The following AFDN variants were observed in gnomAD, a reference collection of about 807,000 sequenced individuals.
AFDN encodes the protein afadin.
A neutral mutation model predicts 216.6 loss-of-function variants in AFDN; 68 were observed. The observed-to-expected ratio is 0.31, with a 90% CI of 0.26 to 0.38. AFDN has a LOEUF of 0.38. AFDN is among the 10% of genes least tolerant of loss of function. AFDN has a pLI of 1.00. For synonymous variants in AFDN, 868 were observed against 853.7 expected (o/e 1.02, Z -0.29); for missense variants, 2,136 against 2,342.0 (o/e 0.91, Z 1.82).
rs9355146 is a variant in AFDN, at chr6:167,962,003, G to T, written c.4834-430G>T. 0.3 allele frequency among the ~76,000 whole-genome samples: 45,243 copies of T among 152,020 alleles called. 7,500 individuals are homozygous for T. The highest frequency in any genetic ancestry group is 0.6 in the East Asian group (3,085 of 5,152). Reference sequence around the variant, plus strand: ...GAGTGGGGGCCTCCCTCTTCTACAAGATATTCGTAGTGGAAATTAAAAAGG... The same window carrying T: ...GAGTGGGGGCCTCCCTCTTCTACAATATATTCGTAGTGGAAATTAAAAAGG... On this transcript the variant is annotated intron_variant, in intron 30 of 33. Transcript: ENST00000683244. This position sits in a 1 kb window ranked among gnomAD's most constrained non-coding sequence, Gnocchi z 5.2.
At chr6:167,900,289 T>G (rs1788778024) in intron 11 of AFDN, among the ~76,000 whole-genome samples, 1 of 152,220 alleles carries the variant, frequency 6.6e-6, no homozygotes, top group Non-Finnish European at 1.5e-5. Context: ...GATTTCATAG[T>G]GTGTCTTCAA....
intron 29 of AFDN, among the ~76,000 whole-genome samples, chr6:167,950,835 G>A (rs1305407340): frequency 6.6e-6 from 1 of 150,654 alleles, no homozygotes; most frequent in Admixed American, 6.6e-5. Flanking sequence ...CAGAGAGAAA[G>A]TACAGCTTTG....
Position 167,901,160 on chromosome 6 carries a change from A to G in AFDN, c.1581-1157A>G, listed in dbSNP as rs569517976. 2.0e-5 allele frequency among the ~76,000 whole-genome samples: 3 copies of G among 152,336 alleles called. No individual in the cohort carries two copies. The East Asian group carries it at 5.8e-4, about 29-fold the overall frequency. ...GTGTAAATAAAAGTTTCCCATTACC[A>G]TGCTGCTTTGAAATTAGACCATATA... On this transcript the variant is annotated intron_variant, in intron 11 of 33. Transcript: ENST00000683244.
chr6:167,871,333 A>G (rs1210742275), intron 3 of AFDN, among the ~76,000 whole-genome samples: 1 of 152,130 alleles, frequency 6.6e-6, no homozygotes, highest in South Asian at 2.1e-4. Flanking sequence ...TACATGTTTT[A>G]TTTCATTTCT....
intron 23 of AFDN, among the ~76,000 whole-genome samples, chr6:167,933,886 G>A (rs1409096207): frequency 6.6e-6 from 1 of 152,050 alleles, no homozygotes; most frequent in East Asian, 1.9e-4. Flanking sequence ...TTGGCTGTGG[G>A]GTAGCCCAGA....
intron 22 of AFDN, 23 bp from the exon 23 acceptor site, chr6:167,924,982 A>G (rs1792321256): frequency 1.9e-6 from 3 of 1,552,818 alleles, no homozygotes; most frequent in Admixed American, 1.7e-5. Flanking sequence ...GTCATAAAAT[A>G]AACCTTTGTT....
intron 30 of AFDN, among the ~76,000 whole-genome samples, chr6:167,961,497 G>A (rs1797032514): frequency 6.6e-6 from 1 of 152,244 alleles, no homozygotes; most frequent in Non-Finnish European, 1.5e-5. Flanking sequence ...AGTGCATAGA[G>A]ATGTGAGCAG....
chr6:167,907,255 G>C lies in AFDN; in HGVS notation c.1735G>C (p.Glu579Gln). Residue 579 changes from glutamate (E) to glutamine (Q), a missense_variant, in exon 13 of 34, where the codon GAA becomes CAA. Around this residue, in one of 8 missense-constraint regions of AFDN, gnomAD observed 817 missense variants for 965.7 expected, o/e 0.85. Transcript: ENST00000683244. ...RGMVKPMIRVEQQPDYRRQES... is the reference protein window; with the variant it reads ...RGMVKPMIRVQQQPDYRRQES... Reference sequence around the variant, plus strand: ...AATGGTGAAGCCGATGATCAGAGTAGAACAGCAGCCAGATTATCGCAGGCA... The same window carrying C: ...AATGGTGAAGCCGATGATCAGAGTACAACAGCAGCCAGATTATCGCAGGCA... 1 of 1,614,148 alleles carries C rather than the reference G, an allele frequency of 6.2e-7. No homozygotes were observed. Among genetic ancestry groups the C allele is most frequent in the Non-Finnish European group, 8.5e-7 (1 of 1,179,988 alleles).
intron 19 of AFDN, among the ~76,000 whole-genome samples, chr6:167,916,264 G>A (rs1435956034): frequency 6.6e-6 from 1 of 152,154 alleles, no homozygotes; most frequent in Non-Finnish European, 1.5e-5. Flanking sequence ...AAGGACAGCC[G>A]ACATTGGACC....
At chr6:167,895,512 T>G (rs1401353467) in intron 9 of AFDN, among the ~76,000 whole-genome samples, 1 of 152,102 alleles carries the variant, frequency 6.6e-6, no homozygotes, top group African/African-American at 2.4e-5. Flanking sequence ...CATTAGTGTC[T>G]CTCAGGTACT....
chr6:167,833,480 A>G (rs148737208), intron 1 of AFDN, among the ~76,000 whole-genome samples: 5,564 of 152,294 alleles, frequency 0.037, 145 homozygotes, highest in African/African-American at 0.062. Flanking sequence ...GAGTTCATAC[A>G]TGTTCTATTA....
rs948779727 is a variant in AFDN, at chr6:167,868,246, A to G, written c.302-2140A>G. Among the ~76,000 whole-genome samples the G allele has an allele frequency of 4.6e-5, 7 of 152,290 alleles. No individual in the cohort carries two copies. The South Asian group carries it at 1.5e-3, about 32-fold the overall frequency. On this transcript the variant is annotated intron_variant, in intron 2 of 33. Coordinates refer to ENST00000683244, the MANE Select transcript of AFDN (RefSeq NM_001386888.1). ...TGTAAAAGGCCCCTTAGAAAAACACATTTAAAACTGGGATCAAAGCTGAAT... is the reference window on the plus strand; with the variant it reads ...TGTAAAAGGCCCCTTAGAAAAACACGTTTAAAACTGGGATCAAAGCTGAAT...
intron 1 of AFDN, among the ~76,000 whole-genome samples, chr6:167,844,398 A>G (rs1200598242): frequency 6.6e-6 from 1 of 152,218 alleles, no homozygotes; most frequent in African/African-American, 2.4e-5. Flanking sequence ...AACATGCTTT[A>G]TTAAAGAAAT....
At chr6:167,908,939 T>G (rs1436687983) in intron 13 of AFDN, among the ~76,000 whole-genome samples, 6 of 152,160 alleles carry the variant, frequency 3.9e-5, no homozygotes, top group Admixed American at 3.9e-4. Context: ...CTAATATTAG[T>G]GAAGGAAAAA....
chr6:167,917,467 A>C (rs1304776351), intron 20 of AFDN, among the ~76,000 whole-genome samples: 1 of 152,198 alleles, frequency 6.6e-6, no homozygotes, highest in Admixed American at 6.5e-5. Context: ...GAAGGACTAG[A>C]GGAGAGGAGG....
chr6:167,886,953 T>C (rs574131914), intron 6 of AFDN, among the ~76,000 whole-genome samples: 2 of 149,796 alleles, frequency 1.3e-5, no homozygotes, highest in Admixed American at 1.3e-4. Flanking sequence ...AGGCGGAGGT[T>C]GCAGTGAGCT....
At chr6:167,913,521 C>T in intron 16 of AFDN, 98 bp downstream of exon 16, 7 of 1,106,248 alleles carry the variant, frequency 6.3e-6, no homozygotes, top group Non-Finnish European at 9.2e-6. Context: ...CTGGACTGAA[C>T]AGCTCATAAC....
intron 27 of AFDN, among the ~76,000 whole-genome samples, chr6:167,947,429 T>TCC (rs1437368943): frequency 6.6e-6 from 1 of 152,198 alleles, no homozygotes; most frequent in East Asian, 1.9e-4. Flanking sequence ...TCTGCCCGCC[T>TCC]TGGCCTCCCA....
intron 25 of AFDN, 23 bp from the exon 26 acceptor site, chr6:167,943,918 C>G (rs757374932): frequency 1.2e-6 from 2 of 1,601,896 alleles, no homozygotes; most frequent in Admixed American, 1.7e-5. Flanking sequence ...GTCTTTCTTA[C>G]ATGTGTAATC....
Sources: gnomAD v4.1 joint callset for allele counts (sites outside exome capture counted in the v4.1 genomes callset) on GRCh38, gnomAD v4.1.1 for gene constraint, gnomAD v4.1.1 regional missense constraint, Gnocchi (gnomAD v3.1) non-coding constraint, MANE v1.5 for transcripts, NCBI Gene and HGNC (gene_info 2026-07-23, HGNC 2026-07-21) for gene names.